Variants in ERCC5 observed in about 807,000 individuals in gnomAD.
The protein encoded by ERCC5 is DNA excision repair protein ERCC-5.
Under a neutral mutation model 105.6 loss-of-function variants are expected in ERCC5, and 68 were observed. That is an observed-to-expected ratio of 0.64 (90% confidence interval 0.53 to 0.79). The LOEUF (loss-of-function observed/expected upper bound fraction) is 0.79, where lower values mean the gene tolerates loss of function less well. Among genes scored for constraint, ERCC5 ranks in the 30% least tolerant of loss-of-function variants. The pLI, the probability that ERCC5 is intolerant of heterozygous loss-of-function variation, is 0.00. For synonymous variants in ERCC5, 546 were observed against 526.2 expected (o/e 1.04, Z -0.51); for missense variants, 1,373 against 1,426.7 (o/e 0.96, Z 0.61).
rs560711127 is a variant in ERCC5, at chr13:102,864,026, A to G, written c.1954+923A>G. ...ATATGTTATATATGCATATGTGTGTATATGCACATAGATATGTTTAGGAGC... is the reference window on the plus strand; with the variant it reads ...ATATGTTATATATGCATATGTGTGTGTATGCACATAGATATGTTTAGGAGC... On this transcript the variant is annotated intron_variant, in intron 8 of 14. Coordinates refer to ENST00000652225, the MANE Select transcript of ERCC5 (RefSeq NM_000123.4). 2.6e-5 allele frequency among the ~76,000 whole-genome samples: 4 copies of G among 152,140 alleles called. No individual in the cohort carries two copies. The East Asian group carries it at 7.7e-4, about 29-fold the overall frequency.
chr13:102,875,540 G>A lies in ERCC5; in HGVS notation c.3198G>A (p.Glu1066=), dbSNP rs1184970099. The A allele has an allele frequency of 1.2e-6, 2 of 1,613,720 alleles. No individual in the cohort carries two copies. The highest frequency in any genetic ancestry group is 1.7e-6 in the Non-Finnish European group (2 of 1,179,866). ...GAGGCATAACAAATACCTTAGAAGA[G>A]TCATCAAGCCTGAAAAGAAAGAGGC... The part of the protein sequence containing the change: ...QKRGITNTLE[E]SSSLKRKRLS... Residue 1066 remains glutamate, a synonymous_variant, in exon 15 of 15, where the codon GAG becomes GAA. Coordinates refer to ENST00000652225, the MANE Select transcript of ERCC5 (RefSeq NM_000123.4).
At position 102,865,981 on chromosome 13, in the gene ERCC5, G is replaced by C; in HGVS notation, c.2199+70G>C. The C allele has an allele frequency of 6.2e-7, 1 of 1,612,286 alleles. No homozygotes were observed. ...GGTTAAGTAGGTTTTGAGTTTTAAG[G>C]AGTTGGTGGATGAGTATTTAGTAGC... On this transcript the variant is annotated intron_variant, in intron 9 of 14. Transcript: ENST00000652225. The surrounding 1 kb of genome is among the most constrained non-coding windows in gnomAD (Gnocchi z 4.0).
chr13:102,854,397 A>G (rs1882325042), intron 4 of ERCC5, 23 bp downstream of exon 4: 13 of 1,608,056 alleles, frequency 8.1e-6, no homozygotes, highest in Non-Finnish European at 1.1e-5. Flanking sequence ...CTATTTAAGA[A>G]TATTATTTTA....
chr13:102,874,336 A>G (rs1283749682), intron 14 of ERCC5, among the ~76,000 whole-genome samples: 1 of 152,220 alleles, frequency 6.6e-6, no homozygotes, highest in African/African-American at 2.4e-5. Context: ...AACTTAATAG[A>G]TCTAATCCTC....
chr13:102,870,248 AC>A (rs1265417331), intron 12 of ERCC5, among the ~76,000 whole-genome samples: 1 of 152,190 alleles, frequency 6.6e-6, no homozygotes, highest in East Asian at 1.9e-4. Context: ...TCAATTGGCT[AC>A]CAACATTTAC....
chr13:102,859,946 C>A (rs1297137894), intron 6 of ERCC5, among the ~76,000 whole-genome samples: 1 of 152,184 alleles, frequency 6.6e-6, no homozygotes, highest in African/African-American at 2.4e-5. Flanking sequence ...TTTTAAGTTG[C>A]ACACCATTCT....
Position 102,865,763 on chromosome 13 carries a change from A to G in ERCC5, c.2051A>G (p.Glu684Gly), listed in dbSNP as rs1172204076. The change falls in exon 9 of 15, where the codon GAA becomes GGA. Residue 684 changes from glutamate to glycine, a missense_variant. This residue lies in a region of ERCC5 where 1,004 missense variants were observed against 1,059.7 expected (regional missense o/e 0.95). Coordinates refer to ENST00000652225, the MANE Select transcript of ERCC5 (RefSeq NM_000123.4). This position sits in a 1 kb window ranked among gnomAD's most constrained non-coding sequence, Gnocchi z 4.0. ...CCTCCCTCAGAACAAGGCGAAGAGGAACTGGTAGGAACTAGGGAGGGAGAA... is the reference window on the plus strand; with the variant it reads ...CCTCCCTCAGAACAAGGCGAAGAGGGACTGGTAGGAACTAGGGAGGGAGAA... Reference protein sequence around the residue: ...SKPPSEQGEEELVGTREGEAP... With the variant: ...SKPPSEQGEEGLVGTREGEAP... The G allele has an allele frequency of 6.2e-7, 1 of 1,614,146 alleles. No homozygotes were observed. The highest frequency in any genetic ancestry group is 1.7e-5 in the Admixed American group (1 of 60,028).
At position 102,866,669 on chromosome 13, in the gene ERCC5, C is replaced by G. The variant is rs1264237928; in HGVS notation, c.2357C>G (p.Ala786Gly). The G allele has an allele frequency of 2.5e-6, 4 of 1,613,774 alleles. No individual in the cohort carries two copies. The highest frequency in any genetic ancestry group is 3.4e-6 in the Non-Finnish European group (4 of 1,180,010). Reference protein sequence around the residue: ...LRLFGIPYIQAPMEAEAQCAI... With the variant: ...LRLFGIPYIQGPMEAEAQCAI... ...CTGTTCGGCATTCCCTACATCCAGG[C>G]TCCCATGGAAGCAGAGGCGCAGTGC... The change falls in exon 11 of 15, where the codon GCT becomes GGT. Residue 786 changes from alanine to glycine, a missense_variant. By Grantham distance (60) the Ala-to-Gly change is moderately conservative. Around this residue, in one of 3 missense-constraint regions of ERCC5, gnomAD observed 1,004 missense variants for 1,059.7 expected, o/e 0.95. Coordinates refer to ENST00000652225, the MANE Select transcript of ERCC5 (RefSeq NM_000123.4).
Position 102,875,973 on chromosome 13 carries a change from T to C in ERCC5, c.*70T>C. 1 of 1,563,166 alleles carries C rather than the reference T, an allele frequency of 6.4e-7. No individual in the cohort carries two copies. The highest frequency in any genetic ancestry group is 8.7e-7 in the Non-Finnish European group (1 of 1,152,900). ...TAATGAATTTGTCGCAAAGACGTAA[T>C]AAAATTAACTGGTGGCACGGTCTTT... On this transcript the variant is annotated 3_prime_UTR_variant, in exon 15 of 15. Coordinates refer to ENST00000652225, the MANE Select transcript of ERCC5 (RefSeq NM_000123.4).
chr13:102,853,047 T>G (rs1882264032), intron 2 of ERCC5, among the ~76,000 whole-genome samples: 1 of 152,148 alleles, frequency 6.6e-6, no homozygotes, highest in Non-Finnish European at 1.5e-5. Flanking sequence ...ACTCTCTAAA[T>G]GAGGATATAG....
intron 13 of ERCC5, among the ~76,000 whole-genome samples, chr13:102,872,892 A>T (rs575464934): frequency 1.2e-4 from 18 of 152,334 alleles, no homozygotes; most frequent in African/African-American, 2.9e-4. Flanking sequence ...AATCATTTGG[A>T]TAGATGTTTC....
At position 102,862,922 on chromosome 13, in the gene ERCC5, T is replaced by C; in HGVS notation, c.1773T>C (p.Ser591=). 1 of 1,614,214 alleles carries C rather than the reference T, an allele frequency of 6.2e-7. No homozygotes were observed. Among genetic ancestry groups the C allele is most frequent in the Non-Finnish European group, 8.5e-7 (1 of 1,180,024 alleles). The part of the protein sequence containing the change: ...VSLQETSSIV[S]VPSEAVDNVE... ...TGCAAGAAACAAGTAGCATAGTAAG[T>C]GTCCCTTCAGAGGCAGTAGATAATG... Residue 591 remains serine, a synonymous_variant, in exon 8 of 15, where the codon AGT becomes AGC. Transcript: ENST00000652225.
In ERCC5 at chr13:102,862,393, G is replaced by C; in HGVS notation, c.1244G>C (p.Gly415Ala). 6.2e-7 allele frequency: 1 copy of C among 1,614,096 alleles called. No homozygotes were observed. The highest frequency in any genetic ancestry group is 8.5e-7 in the Non-Finnish European group (1 of 1,180,026). The change falls in exon 8 of 15, where the codon GGA (glycine) becomes GCA (alanine). Residue 415 changes from glycine to alanine, a missense_variant. By Grantham distance (60) the Gly-to-Ala change is moderately conservative (BLOSUM62 0). Transcript: ENST00000652225. Reference protein sequence around the residue: ...AGDDVQTGGPGAEEMRINSST... With the variant: ...AGDDVQTGGPAAEEMRINSST... ...GATGATGTGCAGACGGGAGGGCCAG[G>C]AGCAGAAGAAATGCGTATAAACAGC...
intron 8 of ERCC5, among the ~76,000 whole-genome samples, chr13:102,863,464 A>G (rs759732751): frequency 3.3e-5 from 5 of 152,166 alleles, no homozygotes; most frequent in Non-Finnish European, 7.4e-5. Context: ...AGTGGCTAGC[A>G]TGTTACCACA....
intron 4 of ERCC5, among the ~76,000 whole-genome samples, chr13:102,854,946 C>G (rs1052668287): frequency 2.0e-5 from 3 of 152,204 alleles, no homozygotes; most frequent in African/African-American, 7.2e-5. Flanking sequence ...GAACCGGAAG[C>G]TTGGCAGTTT....
chr13:102,868,388 G>A (rs563612665), intron 12 of ERCC5, 131 bp downstream of exon 12: 20 of 1,281,782 alleles, frequency 1.6e-5, no homozygotes, highest in Non-Finnish European at 2.2e-5. Flanking sequence ...GCAGCAGAAA[G>A]TATTGGTTGT....
At chr13:102,866,166 T>C in intron 9 of ERCC5, 96 bp from the exon 10 acceptor site, 1 of 1,568,308 alleles carries the variant, frequency 6.4e-7, no homozygotes, top group South Asian at 1.1e-5. Flanking sequence ...AGAAAGAGCT[T>C]ATTGGTAATT....
intron 6 of ERCC5, among the ~76,000 whole-genome samples, chr13:102,860,806 G>A (rs2140525444): frequency 1.3e-5 from 2 of 152,254 alleles, no homozygotes; most frequent in Middle Eastern, 3.4e-3. Flanking sequence ...GTTAATAACT[G>A]TGATTACTGT....
chr13:102,856,352 C>G (rs542605177), intron 5 of ERCC5, among the ~76,000 whole-genome samples: 9 of 152,086 alleles, frequency 5.9e-5, no homozygotes, highest in African/African-American at 2.2e-4. Flanking sequence ...TCAAAACAAG[C>G]TATTTTTCTT....
Sources: allele counts gnomAD v4.1 joint callset (sites outside exome capture counted in the v4.1 genomes callset), GRCh38; gene constraint gnomAD v4.1.1; regional missense constraint gnomAD v4.1.1; non-coding constraint Gnocchi (gnomAD v3.1); transcripts MANE v1.5; gene names NCBI Gene and HGNC (gene_info 2026-07-23, HGNC 2026-07-21).